Variants in AR observed in about 807,000 individuals in gnomAD.
AR encodes dihydrotestosterone receptor.
Under a neutral mutation model 53.9 loss-of-function variants are expected in AR, and 8 were observed. The ratio of observed to expected loss-of-function variants is 0.15; its 90% CI spans 0.09 to 0.27. The LOEUF is 0.27. Among genes scored for constraint, AR ranks in the 10% least tolerant of loss-of-function variants. AR has a pLI of 1.00. For missense variants in AR, 639 were observed against 742.5 expected, an observed-to-expected ratio of 0.86 and a Z score of 1.62; for synonymous variants, 359 against 316.4, an observed-to-expected ratio of 1.13 and a Z score of -1.43.
intron 1 of AR, among the ~76,000 whole-genome samples, chrX:67,614,263 A>G (rs1025199465): frequency 1.8e-5 from 2 of 111,911 alleles, no homozygotes; most frequent in African/African-American, 3.2e-5. Context: ...CATTGGTGCC[A>G]TGCCAACCCA....
intron 1 of AR, among the ~76,000 whole-genome samples, chrX:67,584,306 G>A (rs923832823): frequency 1.8e-5 from 2 of 111,906 alleles, no homozygotes; most frequent in Middle Eastern, 4.2e-3. Context: ...CAAGGCAAGA[G>A]GTATAAGAGA....
intron 1 of AR, among the ~76,000 whole-genome samples, chrX:67,593,937 G>T (rs1922960113): frequency 8.9e-6 from 1 of 111,770 alleles, no homozygotes. Context: ...TCTGTCTATT[G>T]TCTTAACCCC....
Position 67,555,798 on chromosome X carries a change from A to G in AR, c.1616+9036A>G, listed in dbSNP as rs1271774873. On this transcript the variant is annotated intron_variant, in intron 1 of 7. Coordinates refer to ENST00000374690, the MANE Select transcript of AR (RefSeq NM_000044.6). ...CTATTTGGCCGCTAGGGGGACTGCA[A>G]GTGCCCCGTGGCAGGATTTCCCTGG... Among the ~76,000 whole-genome samples the G allele has an allele frequency of 5.3e-5, 6 of 112,321 alleles. No homozygotes were observed. In the Admixed American group the frequency reaches 5.6e-4, roughly 11 times the overall value.
intron 2 of AR, among the ~76,000 whole-genome samples, chrX:67,683,798 G>T (rs1160128242): frequency 9.0e-6 from 1 of 110,855 alleles, no homozygotes; most frequent in Non-Finnish European, 1.9e-5. Flanking sequence ...TACGTTTTAG[G>T]TTGCCTTGTT....
At chrX:67,624,791 T>TA (rs1295966814) in intron 1 of AR, among the ~76,000 whole-genome samples, 20 of 105,130 alleles carry the variant, frequency 1.9e-4, no homozygotes, top group African/African-American at 7.0e-4. Context: ...AACATCATAC[T>TA]AAATAGGGAA....
intron 1 of AR, among the ~76,000 whole-genome samples, chrX:67,575,687 C>T (rs1407543572): frequency 8.9e-6 from 1 of 111,774 alleles, no homozygotes; most frequent in Non-Finnish European, 1.9e-5. Context: ...CGTCTCTCCT[C>T]TCCCTGTATA....
At chrX:67,720,648 G>C (rs777381292) in intron 5 of AR, among the ~76,000 whole-genome samples, 9 of 111,225 alleles carry the variant, frequency 8.1e-5, no homozygotes, top group Non-Finnish European at 1.5e-4. Context: ...TACACCATCT[G>C]CCCTCTTCTC....
At chrX:67,720,429 A>G (rs1602277768) in intron 5 of AR, among the ~76,000 whole-genome samples, 1 of 110,964 alleles carries the variant, frequency 9.0e-6, no homozygotes, top group East Asian at 2.8e-4. Flanking sequence ...TGTGATTTCA[A>G]TGGTAAAAAG....
intron 2 of AR, among the ~76,000 whole-genome samples, chrX:67,652,693 T>G (rs1926401362): frequency 8.9e-6 from 1 of 111,919 alleles, no homozygotes; most frequent in South Asian, 3.8e-4. Flanking sequence ...GGCAGCATAG[T>G]AAGCATTTAT....
At chrX:67,720,991 A>G (rs910050812) in intron 5 of AR, among the ~76,000 whole-genome samples, 14 of 111,727 alleles carry the variant, frequency 1.3e-4, no homozygotes, top group African/African-American at 4.2e-4. Context: ...ATGGTCAGCC[A>G]TGGAACCGAG....
chrX:67,661,406 G>C (rs1380240850), intron 2 of AR, among the ~76,000 whole-genome samples: 2 of 111,207 alleles, frequency 1.8e-5, no homozygotes, highest in Admixed American at 9.7e-5. Flanking sequence ...CTAATTTATT[G>C]AGAGTTTTTA....
At chrX:67,644,936 A>G (rs1925980053) in intron 2 of AR, among the ~76,000 whole-genome samples, 1 of 111,163 alleles carries the variant, frequency 9.0e-6, no homozygotes, top group Admixed American at 9.6e-5. Context: ...CAGAGTACTC[A>G]TGAAAGGATG....
intron 1 of AR, among the ~76,000 whole-genome samples, chrX:67,579,376 A>G (rs768005158): frequency 1.8e-5 from 2 of 111,389 alleles, no homozygotes; most frequent in African/African-American, 6.5e-5. Context: ...GCAGACACCT[A>G]TCACTTTCGG....
At chrX:67,698,764 T>C (rs1850658549) in intron 3 of AR, among the ~76,000 whole-genome samples, 1 of 111,829 alleles carries the variant, frequency 8.9e-6, no homozygotes, top group African/African-American at 3.3e-5. Context: ...TTGCTTTCCC[T>C]GCTGTGTCTG....
At chrX:67,639,103 G>A (rs1201408520) in intron 1 of AR, among the ~76,000 whole-genome samples, 2 of 111,578 alleles carry the variant, frequency 1.8e-5, no homozygotes, top group Admixed American at 9.5e-5. Context: ...TCTTTGTCAG[G>A]TTTGTCAAAG....
chrX:67,704,657 C>T (rs1431292273), intron 3 of AR, among the ~76,000 whole-genome samples: 2 of 111,516 alleles, frequency 1.8e-5, no homozygotes, highest in African/African-American at 6.5e-5. Context: ...TTAATTAGAT[C>T]CCATTTGTCA....
At position 67,723,989 on chromosome X, in the gene AR, A is replaced by T; in HGVS notation, c.*148A>T. 1 of 788,298 alleles carries T rather than the reference A, an allele frequency of 1.3e-6. No homozygotes were observed. Among genetic ancestry groups the T allele is most frequent in the Non-Finnish European group, 1.8e-6 (1 of 556,720 alleles). The allele number at this position is 788,298 out of a possible 1,213,427, so 65.0% of individuals were successfully genotyped here. ...TGTCATGAACATGTTCCTGAATTCT[A>T]TTTGCTGGGCTTTTTTTTTCTCTTT... On this transcript the variant is annotated 3_prime_UTR_variant, in exon 8 of 8. Transcript: ENST00000374690.
chrX:67,701,955 C>T (rs1602265339), intron 3 of AR, among the ~76,000 whole-genome samples: 1 of 110,803 alleles, frequency 9.0e-6, no homozygotes, highest in East Asian at 2.8e-4. Flanking sequence ...AGAAGGGAGG[C>T]AGGGATGATA....
rs1230878869 is a variant in AR, at chrX:67,545,220, A to G, written c.74A>G (p.Asn25Ser). Reference protein sequence around the residue: ...PSKTYRGAFQNLFQSVREVIQ... With the variant: ...PSKTYRGAFQSLFQSVREVIQ... ...AAGACCTACCGAGGAGCTTTCCAGAATCTGTTCCAGAGCGTGCGCGAAGTG... is the reference window on the plus strand; with the variant it reads ...AAGACCTACCGAGGAGCTTTCCAGAGTCTGTTCCAGAGCGTGCGCGAAGTG... Residue 25 changes from asparagine (N) to serine (S), a missense_variant, in exon 1 of 8, where the codon AAT (asparagine) becomes AGT (serine). Physicochemically the swap from Asn to Ser is conservative, Grantham distance 46. This residue lies in a region of AR where 55 missense variants were observed against 84.8 expected (regional missense o/e 0.65). Transcript: ENST00000374690. 8.3e-7 allele frequency: 1 copy of G among 1,206,989 alleles called. No homozygotes were observed. The highest frequency in any genetic ancestry group is 1.1e-6 in the Non-Finnish European group (1 of 894,479).
Sources: allele counts gnomAD v4.1 joint callset (sites outside exome capture counted in the v4.1 genomes callset), GRCh38; gene constraint gnomAD v4.1.1; regional missense constraint gnomAD v4.1.1; transcripts MANE v1.5; gene names NCBI Gene and HGNC (gene_info 2026-07-23, HGNC 2026-07-21).